TBXT: variants seen among roughly 807,000 people sequenced by gnomAD.
The protein encoded by TBXT is T brachyury transcription factor.
A neutral mutation model predicts 41.1 loss-of-function variants in TBXT; 19 were observed. The observed-to-expected ratio is 0.46, with a 90% CI of 0.32 to 0.68. The LOEUF is 0.68. Among genes scored for constraint, TBXT ranks in the 30% least tolerant of loss-of-function variants. The pLI, the probability that TBXT is intolerant of heterozygous loss-of-function variation, is 0.03. For missense variants in TBXT, 536 were observed against 582.0 expected, an observed-to-expected ratio of 0.92 and a Z score of 0.81; for synonymous variants, 213 against 238.9, an observed-to-expected ratio of 0.89 and a Z score of 1.00.
chr6:166,162,534 T>C lies in TBXT; in HGVS notation c.820A>G (p.Thr274Ala), dbSNP rs1249988942. 6.2e-7 allele frequency: 1 copy of C among 1,613,928 alleles called. No homozygotes were observed. The highest frequency in any genetic ancestry group is 2.2e-5 in the East Asian group (1 of 44,874). Reference protein sequence around the residue: ...QFGGALSLPSTHSCDRYPTLR... With the variant: ...QFGGALSLPSAHSCDRYPTLR... Reference sequence around the variant, plus strand: ...GTTGGGTACCTGTCACAGCTGTGCGTGGAGGGGAGGGAGAGGGCACCTCCA... The same window carrying C: ...GTTGGGTACCTGTCACAGCTGTGCGCGGAGGGGAGGGAGAGGGCACCTCCA... Residue 274 changes from threonine to alanine, a missense_variant, in exon 6 of 8, where the codon ACG becomes GCG. Transcript: ENST00000366876.
At chr6:166,166,288 C>T (rs185612627) in intron 2 of TBXT, among the ~76,000 whole-genome samples, 2 of 150,094 alleles carry the variant, frequency 1.3e-5, no homozygotes, top group African/African-American at 5.1e-5. Flanking sequence ...AATTTAAATG[C>T]GACTTTGCCA....
Position 166,157,865 on chromosome 6 carries a change from T to A in TBXT, c.*450A>T. On this transcript the variant is annotated 3_prime_UTR_variant, in exon 8 of 8. Transcript: ENST00000366876. Reference sequence around the variant, plus strand: ...CTCAACTATGATTTTATTCTGTCCTTAACAGCTCAACTCTAACTACTTGAA... The same window carrying A: ...CTCAACTATGATTTTATTCTGTCCTAAACAGCTCAACTCTAACTACTTGAA... The A allele has an allele frequency of 3.8e-6, 1 of 260,012 alleles. No homozygotes were observed. The highest frequency in any genetic ancestry group is 5.1e-5 in the South Asian group (1 of 19,742). The allele number at this position is 260,012 out of a possible 1,614,324, so 16.1% of individuals were successfully genotyped here.
intron 7 of TBXT, among the ~76,000 whole-genome samples, chr6:166,160,412 T>C (rs937441589): frequency 1.7e-4 from 26 of 152,204 alleles, no homozygotes; most frequent in African/African-American, 6.0e-4. Context: ...CTCTACCTAC[T>C]GACCCCAACA....
chr6:166,167,446 C>T lies in TBXT; in HGVS notation c.146G>A (p.Ser49Asn). The part of the protein sequence containing the change: ...ERELRVGLEE[S>N]ELWLRFKELT... ...CTCCTTGAAGCGCAGCCACAGCTCG[C>T]TCTCCTCCAGGCCCACGCGCAGTTC... Residue 49 changes from serine (S) to asparagine (N), a missense_variant, in exon 1 of 8, where the codon AGC (serine) becomes AAC (asparagine). Physicochemically the swap from Ser to Asn is conservative, Grantham distance 46 (BLOSUM62 1). Coordinates refer to ENST00000366876, the MANE Select transcript of TBXT (RefSeq NM_001366285.2). 1 of 1,613,156 alleles carries T rather than the reference C, an allele frequency of 6.2e-7. No homozygotes were observed. Among genetic ancestry groups the T allele is most frequent in the South Asian group, 1.1e-5 (1 of 91,088 alleles).
At chr6:166,166,456 A>C in intron 2 of TBXT, 136 bp downstream of exon 2, 3 of 1,382,896 alleles carry the variant, frequency 2.2e-6, no homozygotes, top group Non-Finnish European at 3.0e-6. Context: ...GCCTTATTAG[A>C]GAAGGCTGTG....
Position 166,164,816 on chromosome 6 carries a change from G to C in TBXT, c.652C>G (p.Leu218Val). The C allele has an allele frequency of 6.2e-7, 1 of 1,613,414 alleles. No homozygotes were observed. The highest frequency in any genetic ancestry group is 1.7e-5 in the Admixed American group (1 of 60,008). The change falls in exon 4 of 8, where the codon CTT (leucine) becomes GTT (valine). Residue 218 changes from leucine (L) to valine (V), a missense_variant. Physicochemically the swap from Leu to Val is conservative, Grantham distance 32 (BLOSUM62 1). Transcript: ENST00000366876. Reference protein sequence around the residue: ...IKYNPFAKAFLDAKERSDHKE... With the variant: ...IKYNPFAKAFVDAKERSDHKE... ...TTCTCTCACCTTTCCTTTGCATCAA[G>C]GAAAGCTTTTGCAAATGGATTGTAC...
At position 166,161,909 on chromosome 6, in the gene TBXT, C is replaced by A. The variant is rs557202343; in HGVS notation, c.907+538G>T. Among the ~76,000 whole-genome samples the A allele has an allele frequency of 4.5e-3, 674 of 149,424 alleles. 4 individuals are homozygous for A. Among genetic ancestry groups the A allele is most frequent in the Admixed American group, 6.6e-3 (98 of 14,756 alleles). ...CTGCACTCCAGCCTGGGCGACAGAG[C>A]GAGACTCCGTCTCAAAAAAAAGCAC... is the stretch of plus-strand genomic sequence containing the variant. On this transcript the variant is annotated intron_variant, in intron 6 of 7. Coordinates refer to ENST00000366876, the MANE Select transcript of TBXT (RefSeq NM_001366285.2).
intron 6 of TBXT, among the ~76,000 whole-genome samples, chr6:166,162,099 A>G (rs1262456539): frequency 6.6e-6 from 1 of 152,192 alleles, no homozygotes; most frequent in Non-Finnish European, 1.5e-5. Flanking sequence ...TTGTCACTTT[A>G]GAGAGGTTCA....
intron 6 of TBXT, among the ~76,000 whole-genome samples, chr6:166,162,241 G>T (rs1215035379): frequency 6.6e-6 from 1 of 152,224 alleles, no homozygotes; most frequent in Non-Finnish European, 1.5e-5. Context: ...CTCTGATCTG[G>T]GTGTCCGTGG....
In TBXT at chr6:166,158,090, GT is replaced by G; in HGVS notation, c.*224del. ...ATCATCTCCACAGTTGGGTTCATCT[GT>G]AAGCCACCTGGGACAGCACCGCTAC... On this transcript the variant is annotated 3_prime_UTR_variant, in exon 8 of 8. Transcript: ENST00000366876. 1.5e-6 allele frequency: 1 copy of G among 673,732 alleles called. No homozygotes were observed. Among genetic ancestry groups the G allele is most frequent in the Non-Finnish European group, 2.5e-6 (1 of 396,066 alleles). The allele number at this position is 673,732 out of a possible 1,614,324, so 41.7% of individuals were successfully genotyped here. A position where few individuals can be genotyped will look rare whatever the true frequency, so the allele number is the denominator to read the frequency against.
At chr6:166,164,534 C>A in intron 5 of TBXT, 71 bp downstream of exon 5, 1 of 1,574,490 alleles carries the variant, frequency 6.4e-7, no homozygotes, top group Non-Finnish European at 8.7e-7. Flanking sequence ...TTCTCCATCT[C>A]CACTTCCCAG....
rs750466703 is a variant in TBXT, at chr6:166,158,506, C to G, written c.1120G>C (p.Ala374Pro). The change falls in exon 8 of 8, where the codon GCC becomes CCC. Residue 374 changes from alanine (A) to proline (P), a missense_variant. Ala to Pro is a conservative substitution (Grantham distance 27, BLOSUM62 -1). Coordinates refer to ENST00000366876, the MANE Select transcript of TBXT (RefSeq NM_001366285.2). ...GCGGGGGAGCCCCGGAAGAACTGGG[C>G]CCCCAGCCCGTTGGACACGGCTGCT... is the stretch of plus-strand genomic sequence containing the variant. Reference protein sequence around the residue: ...QAAAVSNGLGAQFFRGSPAHY... With the variant: ...QAAAVSNGLGPQFFRGSPAHY... The G allele has an allele frequency of 3.7e-6, 6 of 1,607,550 alleles. No individual in the cohort carries two copies. In the East Asian group the frequency reaches 1.3e-4, roughly 36 times the overall value.
rs1415189750 is a variant in TBXT at position 166,162,615 on chromosome 6, A to AC, written c.738dup (p.Trp247ValfsTer32). On this transcript the variant is annotated frameshift_variant, in exon 6 of 8. Coordinates refer to ENST00000366876, the MANE Select transcript of TBXT (RefSeq NM_001366285.2). LOFTEE classifies it high-confidence loss of function. The stretch of plus-strand genomic sequence containing the variant: ...AGGGTGCTGGTTCCAGGAAGAAGCC[A>AC]CCCCCCTGCTGTGAGAAAAGACAGT... 1.2e-6 allele frequency: 2 copies of AC among 1,611,522 alleles called. No individual in the cohort carries two copies. Among genetic ancestry groups the AC allele is most frequent in the Non-Finnish European group, 1.7e-6 (2 of 1,178,880 alleles).
intron 5 of TBXT, among the ~76,000 whole-genome samples, 164 bp from the exon 6 acceptor site, chr6:166,162,787 TCTCCCTCCATCACTCCAGAGAGCAG>T (rs1778999035): frequency 9.4e-6 from 1 of 105,984 alleles, no homozygotes; most frequent in Non-Finnish European, 2.3e-5. Context: ...GGCCAGGGAC[TCTCCCTCCATCACTCCAGAGAGCAG>T]AGCCCAGGCC....
At position 166,164,467 on chromosome 6, in the gene TBXT, C is replaced by A. The variant is rs141621646; in HGVS notation, c.730+138G>T. ...AGCTTCAACATCACAGGGCCAAGAG[C>A]CTCGCATGGCAAAAAGGCAATCTTA... On this transcript the variant is annotated intron_variant, in intron 5 of 7. Transcript: ENST00000366876. 243 of 992,544 alleles carry A rather than the reference C, an allele frequency of 2.4e-4. No homozygotes were observed. The African/African-American group carries it at 3.6e-3, about 15-fold the overall frequency. 61.5% of individuals were successfully genotyped at this position (992,544 alleles called of 1,614,324 possible). A position where few individuals can be genotyped will look rare whatever the true frequency, so the allele number is the denominator to read the frequency against.
chr6:166,159,437 G>A (rs1244359198), intron 7 of TBXT, among the ~76,000 whole-genome samples: 2 of 152,122 alleles, frequency 1.3e-5, no homozygotes, highest in Non-Finnish European at 2.9e-5. Flanking sequence ...CAGTACATAG[G>A]TGTGCTAGCA....
At chr6:166,163,343 A>AC (rs1183367430) in intron 5 of TBXT, among the ~76,000 whole-genome samples, 1 of 151,202 alleles carries the variant, frequency 6.6e-6, no homozygotes, top group African/African-American at 2.4e-5. Context: ...TTCTTCCAAG[A>AC]CTCCCCTTCC....
Position 166,158,221 on chromosome 6 carries a change from A to G in TBXT, c.*94T>C, listed in dbSNP as rs1168282581. On this transcript the variant is annotated 3_prime_UTR_variant, in exon 8 of 8. Transcript: ENST00000366876. Reference sequence around the variant, plus strand: ...GAGGCTGCATTTCCTTCTTAACCTGAGACTGCCACTGGGTACCTAGTAGGT... The same window carrying G: ...GAGGCTGCATTTCCTTCTTAACCTGGGACTGCCACTGGGTACCTAGTAGGT... 6.3e-7 allele frequency: 1 copy of G among 1,595,624 alleles called. No homozygotes were observed. The highest frequency in any genetic ancestry group is 8.6e-7 in the Non-Finnish European group (1 of 1,164,494).
intron 7 of TBXT, among the ~76,000 whole-genome samples, chr6:166,159,403 C>G (rs1335477535): frequency 1.3e-5 from 2 of 151,912 alleles, no homozygotes; most frequent in Non-Finnish European, 2.9e-5. Flanking sequence ...AGTACAGACA[C>G]AATTCCCTGC....
Sources: gnomAD v4.1 joint callset for allele counts (sites outside exome capture counted in the v4.1 genomes callset) on GRCh38, gnomAD v4.1.1 for gene constraint, MANE v1.5 for transcripts, NCBI Gene and HGNC (gene_info 2026-07-23, HGNC 2026-07-21) for gene names.